Variants in SH3BGRL observed in about 807,000 individuals in gnomAD.
The protein encoded by SH3BGRL is adapter SH3BGRL.
Under a neutral mutation model 9.8 loss-of-function variants are expected in SH3BGRL, and 7 were observed. That is an observed-to-expected ratio of 0.72 (90% CI 0.41 to 1.35). The LOEUF (loss-of-function observed/expected upper bound fraction) is 1.35. Among genes scored for constraint, SH3BGRL ranks in the 40% most tolerant of loss-of-function variants. The pLI is 0.01. For synonymous variants in SH3BGRL, 36 were observed against 29.1 expected (o/e 1.24, Z -0.76); for missense variants, 73 against 84.4 (o/e 0.86, Z 0.53).
Position 81,289,298 on chromosome X carries a change from T to C in SH3BGRL, c.313-7897T>C, listed in dbSNP as rs1014822760. Among the ~76,000 whole-genome samples, 3 of 111,916 alleles carry C rather than the reference T, an allele frequency of 2.7e-5. 1 individual carries two copies. In the South Asian group the frequency reaches 1.1e-3, roughly 42 times the overall value. ...TTTCACAATGAAGACTTAAATCTAA[T>C]ACCTCAAACTATGAAATGACTACAA... is the stretch of plus-strand genomic sequence containing the variant. On this transcript the variant is annotated intron_variant, in intron 3 of 3. Coordinates refer to ENST00000373212, the MANE Select transcript of SH3BGRL (RefSeq NM_003022.3).
chrX:81,222,489 A>G (rs2075603060), intron 1 of SH3BGRL, among the ~76,000 whole-genome samples: 1 of 110,208 alleles, frequency 9.1e-6, no homozygotes, highest in Admixed American at 9.6e-5. Flanking sequence ...ATGTCCCTAC[A>G]AAGGACATGA....
At chrX:81,228,378 T>G (rs1458906409) in intron 1 of SH3BGRL, among the ~76,000 whole-genome samples, 1 of 111,921 alleles carries the variant, frequency 8.9e-6, no homozygotes, top group Non-Finnish European at 1.9e-5. Context: ...ATTTTCTGAT[T>G]GGCAATTGAT....
chrX:81,228,941 A>G (rs1013829484), intron 1 of SH3BGRL, among the ~76,000 whole-genome samples: 2 of 111,714 alleles, frequency 1.8e-5, no homozygotes, highest in African/African-American at 6.5e-5. Context: ...TCAAAATTCG[A>G]TATTACTGAA....
chrX:81,209,480 C>A (rs1452649319), intron 1 of SH3BGRL, among the ~76,000 whole-genome samples: 1 of 111,357 alleles, frequency 9.0e-6, no homozygotes, highest in Non-Finnish European at 1.9e-5. Flanking sequence ...GAGGGGGTAT[C>A]TCTAAGATCC....
chrX:81,229,237 G>A (rs1027873786), intron 1 of SH3BGRL, among the ~76,000 whole-genome samples: 2 of 111,184 alleles, frequency 1.8e-5, no homozygotes, highest in Non-Finnish European at 3.8e-5. Flanking sequence ...TCTGGGGGGA[G>A]CATGCATATG....
chrX:81,260,782 C>T (rs2075738871), intron 1 of SH3BGRL, among the ~76,000 whole-genome samples: 1 of 111,101 alleles, frequency 9.0e-6, no homozygotes. Flanking sequence ...AGGGTAAGAA[C>T]AGTGGCCATT....
intron 1 of SH3BGRL, among the ~76,000 whole-genome samples, chrX:81,267,962 G>T (rs1339081262): frequency 1.8e-5 from 2 of 111,620 alleles, no homozygotes; most frequent in African/African-American, 6.5e-5. Flanking sequence ...ATGGGTCCAA[G>T]AATTTGTCCA....
intron 1 of SH3BGRL, among the ~76,000 whole-genome samples, chrX:81,226,191 T>A (rs1318971561): frequency 1.8e-5 from 2 of 110,857 alleles, no homozygotes; most frequent in Non-Finnish European, 3.8e-5. Flanking sequence ...TGGTTCTTTC[T>A]AACATCTACC....
intron 1 of SH3BGRL, among the ~76,000 whole-genome samples, chrX:81,215,906 C>T (rs1457877877): frequency 9.0e-6 from 1 of 111,682 alleles, no homozygotes; most frequent in Admixed American, 9.5e-5. Context: ...TGATTAAAGC[C>T]AAATGTTGCA....
intron 1 of SH3BGRL, among the ~76,000 whole-genome samples, chrX:81,204,419 T>G (rs1325938938): frequency 8.9e-6 from 1 of 111,904 alleles, no homozygotes; most frequent in Admixed American, 9.5e-5. Flanking sequence ...CTGTTTGTTT[T>G]AATACATAAG....
At chrX:81,257,265 T>G (rs1273938967) in intron 1 of SH3BGRL, among the ~76,000 whole-genome samples, 1 of 112,325 alleles carries the variant, frequency 8.9e-6, no homozygotes. Flanking sequence ...ATGAGGAATT[T>G]GAGACTCAGA....
chrX:81,257,545 T>G (rs190329586), intron 1 of SH3BGRL, among the ~76,000 whole-genome samples: 19 of 112,283 alleles, frequency 1.7e-4, no homozygotes, highest in African/African-American at 5.5e-4. Context: ...GAATCAATTT[T>G]CAAGCTCATA....
At chrX:81,253,759 T>C (rs1383346599) in intron 1 of SH3BGRL, among the ~76,000 whole-genome samples, 1 of 112,230 alleles carries the variant, frequency 8.9e-6, no homozygotes, top group East Asian at 2.8e-4. Context: ...TATTGATTTC[T>C]TGCTTTTTTG....
chrX:81,271,397 C>T lies in SH3BGRL; in HGVS notation c.46-5587C>T, dbSNP rs185364052. The stretch of plus-strand genomic sequence containing the variant: ...CCATCTTGGAAGTGATCTTCTTTTT[C>T]TTTTAGCAGGAATAAAATAGGAAAT... On this transcript the variant is annotated intron_variant, in intron 1 of 3. Transcript: ENST00000373212. Among the ~76,000 whole-genome samples the T allele has an allele frequency of 5.1e-3, 570 of 112,214 alleles. 3 individuals carry two copies. Among genetic ancestry groups the T allele is most frequent in the African/African-American group, 0.017 (535 of 30,918 alleles).
chrX:81,289,565 C>T (rs752094054), intron 3 of SH3BGRL, among the ~76,000 whole-genome samples: 3 of 110,084 alleles, frequency 2.7e-5, no homozygotes, highest in Non-Finnish European at 5.7e-5. Flanking sequence ...AGGCTCAAAC[C>T]ACTCTATAGG....
intron 1 of SH3BGRL, among the ~76,000 whole-genome samples, chrX:81,238,947 A>G (rs1271430406): frequency 1.8e-5 from 2 of 111,959 alleles, no homozygotes; most frequent in Admixed American, 1.9e-4. Context: ...CTCTATGAGT[A>G]TGCAACAGCC....
At chrX:81,228,719 G>A (rs1217986337) in intron 1 of SH3BGRL, among the ~76,000 whole-genome samples, 2 of 111,527 alleles carry the variant, frequency 1.8e-5, no homozygotes, top group Non-Finnish European at 3.8e-5. Flanking sequence ...TTGGTCTACA[G>A]TATATAGTTA....
At chrX:81,262,712 A>C (rs552296522) in intron 1 of SH3BGRL, among the ~76,000 whole-genome samples, 1 of 112,511 alleles carries the variant, frequency 8.9e-6, no homozygotes, top group Middle Eastern at 4.6e-3. Flanking sequence ...AGATGTTAAC[A>C]ACAGCAGAAA....
chrX:81,214,329 T>A (rs1296840457), intron 1 of SH3BGRL, among the ~76,000 whole-genome samples: 1 of 110,926 alleles, frequency 9.0e-6, no homozygotes, highest in African/African-American at 3.3e-5. Context: ...AAGAGATGAG[T>A]ATATAGACTA....
Sources: allele counts gnomAD v4.1 joint callset (sites outside exome capture counted in the v4.1 genomes callset), GRCh38; gene constraint gnomAD v4.1.1; transcripts MANE v1.5; gene names NCBI Gene and HGNC (gene_info 2026-07-23, HGNC 2026-07-21).